TTC39C: variants seen among roughly 807,000 people sequenced by gnomAD.
The protein encoded by TTC39C is tetratricopeptide repeat domain 39C.
Under a neutral mutation model 76.3 loss-of-function variants are expected in TTC39C, and 33 were observed. That is an observed-to-expected ratio of 0.43 (90% confidence interval 0.33 to 0.58). The LOEUF is 0.58. Ranked by LOEUF, TTC39C falls within the 20% of genes least tolerant of loss-of-function variation. The pLI is 0.04. For missense variants in TTC39C, 595 were observed against 701.4 expected, an observed-to-expected ratio of 0.85 and a Z score of 1.71; for synonymous variants, 254 against 260.6, an observed-to-expected ratio of 0.97 and a Z score of 0.24.
chr18:24,096,033 A>T (rs1010934996), intron 6 of TTC39C, among the ~76,000 whole-genome samples: 7 of 152,226 alleles, frequency 4.6e-5, no homozygotes, highest in East Asian at 1.9e-4. Context: ...TTATGTGGGC[A>T]TGGTTTGTGG....
At position 24,023,086 on chromosome 18, in the gene TTC39C, G is replaced by A. The variant is rs550981931; in HGVS notation, c.167+8048G>A. Among the ~76,000 whole-genome samples, 4 of 152,298 alleles carry A rather than the reference G, an allele frequency of 2.6e-5. No homozygotes were observed. In the South Asian group the frequency reaches 6.2e-4, roughly 24 times the overall value. ...GCTGGAGTTATGTGGGGTCCAAGTTGTTAAAGGCATAGCAGCTCCCCTTTA... is the reference window on the plus strand; with the variant it reads ...GCTGGAGTTATGTGGGGTCCAAGTTATTAAAGGCATAGCAGCTCCCCTTTA... On this transcript the variant is annotated intron_variant, in intron 1 of 13. Coordinates refer to ENST00000317571, the MANE Select transcript of TTC39C (RefSeq NM_001135993.2).
intron 7 of TTC39C, among the ~76,000 whole-genome samples, chr18:24,115,380 A>G (rs2084877903): frequency 6.6e-6 from 1 of 152,250 alleles, no homozygotes. Flanking sequence ...TGTGCTGGGA[A>G]GAGTAAACAC....
intron 1 of TTC39C, among the ~76,000 whole-genome samples, chr18:24,043,129 ATAATG>A (rs2145694043): frequency 6.6e-6 from 1 of 152,372 alleles, no homozygotes; most frequent in East Asian, 1.9e-4. Flanking sequence ...GTAGTTGAAA[ATAATG>A]TAATTCGTAG....
intron 4 of TTC39C, among the ~76,000 whole-genome samples, chr18:24,075,138 C>CG (rs2084287028): frequency 7.0e-6 from 1 of 142,340 alleles, no homozygotes; most frequent in Non-Finnish European, 1.5e-5. Context: ...CATCACACAC[C>CG]GGGGCCTGTC....
chr18:24,024,446 A>G (rs1271962710), intron 1 of TTC39C, among the ~76,000 whole-genome samples: 1 of 152,176 alleles, frequency 6.6e-6, no homozygotes, highest in African/African-American at 2.4e-5. Flanking sequence ...AGAGGAGGAG[A>G]GAAAAGAGCA....
chr18:24,058,171 G>A (rs1321910727), intron 1 of TTC39C, among the ~76,000 whole-genome samples: 6 of 152,208 alleles, frequency 3.9e-5, no homozygotes, highest in Non-Finnish European at 8.8e-5. Flanking sequence ...AGGGTGGAGG[G>A]TAGGAAGAGG....
intron 1 of TTC39C, among the ~76,000 whole-genome samples, chr18:24,027,802 C>T (rs1326298738): frequency 3.9e-5 from 6 of 152,052 alleles, no homozygotes; most frequent in Non-Finnish European, 8.8e-5. Context: ...TCAAGCAGTC[C>T]TCCCACCTCA....
chr18:24,014,994 C>T lies in TTC39C; in HGVS notation c.123C>T (p.Leu41=). The change falls in exon 1 of 14, where the codon CTC becomes CTT. Residue 41 remains leucine, a synonymous_variant. Coordinates refer to ENST00000317571, the MANE Select transcript of TTC39C (RefSeq NM_001135993.2). The part of the protein sequence containing the change: ...ELALAGINML[L]NNGFRESDQL... ...CCCTGGCCGGCATCAACATGCTGCT[C>T]AACAACGGCTTCAGGGAGTCGGACC... is the stretch of plus-strand genomic sequence containing the variant. The T allele has an allele frequency of 6.6e-7, 1 of 1,525,706 alleles. No individual in the cohort carries two copies. Among genetic ancestry groups the T allele is most frequent in the South Asian group, 1.2e-5 (1 of 81,252 alleles). 94.5% of individuals were successfully genotyped at this position (1,525,706 alleles called of 1,614,324 possible).
intron 6 of TTC39C, among the ~76,000 whole-genome samples, chr18:24,093,075 T>C (rs2084545410): frequency 6.6e-6 from 1 of 152,330 alleles, no homozygotes; most frequent in African/African-American, 2.4e-5. Flanking sequence ...ATTGTAGTAG[T>C]AGTTGCATAG....
chr18:24,134,257 G>GTTTTTTTTTTTTTTTTTTTTTT lies in TTC39C; in HGVS notation c.*1689_*1690insTTTTTTTTTTTTTTTTTTTTTT, dbSNP rs1182625147. On this transcript the variant is annotated 3_prime_UTR_variant, in exon 14 of 14. Coordinates refer to ENST00000317571, the MANE Select transcript of TTC39C (RefSeq NM_001135993.2). The stretch of plus-strand genomic sequence containing the variant: ...TGGTGCCCAAAAATATTGGACATCT[G>GTTTTTTTTTTTTTTTTTTTTTT]TTTTTTGTTTTTTTTTTTTTTTTTT... 2.1e-4 allele frequency: 10 copies of GTTTTTTTTTTTTTTTTTTTTTT among 48,688 alleles called. 4 individuals are homozygous for GTTTTTTTTTTTTTTTTTTTTTT. The highest frequency in any genetic ancestry group is 1.3e-3 in the South Asian group (2 of 1,482). The allele number at this position is 48,688 out of a possible 1,614,324, so 3.0% of individuals were successfully genotyped here.
At chr18:24,132,058 G>A (rs979931898) in intron 13 of TTC39C, 138 bp downstream of exon 13, 15 of 717,152 alleles carry the variant, frequency 2.1e-5, no homozygotes, top group Admixed American at 1.4e-4. Context: ...ACAACCAATT[G>A]AATCAGTGAG....
intron 1 of TTC39C, among the ~76,000 whole-genome samples, chr18:24,054,332 C>T (rs8098360): frequency 0.11 from 16,373 of 152,124 alleles, 1,433 homozygotes; most frequent in African/African-American, 0.24. Flanking sequence ...TGATATATTC[C>T]GTTGAGAAAA....
At chr18:24,101,964 A>G (rs1429549640) in intron 6 of TTC39C, among the ~76,000 whole-genome samples, 5 of 152,332 alleles carry the variant, frequency 3.3e-5, no homozygotes, top group South Asian at 2.1e-4. Context: ...TGGAGAGAGC[A>G]CTAGGCTCAT....
At chr18:24,115,544 C>T (rs938479473) in intron 7 of TTC39C, among the ~76,000 whole-genome samples, 2 of 152,180 alleles carry the variant, frequency 1.3e-5, no homozygotes, top group African/African-American at 2.4e-5. Context: ...AGTGATGAGA[C>T]TCCAAAGGGA....
At chr18:24,091,540 T>A (rs1241032181) in intron 6 of TTC39C, among the ~76,000 whole-genome samples, 1 of 152,094 alleles carries the variant, frequency 6.6e-6, no homozygotes. Flanking sequence ...AAATGTAAGA[T>A]CTAAAACTGT....
At chr18:24,037,905 T>C (rs985836626) in intron 1 of TTC39C, among the ~76,000 whole-genome samples, 1 of 152,190 alleles carries the variant, frequency 6.6e-6, no homozygotes, top group Non-Finnish European at 1.5e-5. Context: ...ATCTTTTAGC[T>C]CTTTTCATTT....
chr18:24,019,988 G>C (rs2083500247), intron 1 of TTC39C: 1 of 1,451,750 alleles, frequency 6.9e-7, no homozygotes, highest in African/African-American at 1.5e-5. Flanking sequence ...ATTCTTGGGA[G>C]GACTGGAAGG....
intron 1 of TTC39C, among the ~76,000 whole-genome samples, chr18:24,039,932 A>G (rs1050695779): frequency 1.3e-5 from 2 of 152,188 alleles, no homozygotes; most frequent in African/African-American, 4.8e-5. Flanking sequence ...AAGAGAGGGA[A>G]TACAGGAAGA....
chr18:24,125,627 C>T (rs979780522), intron 10 of TTC39C, 77 bp downstream of exon 10: 1 of 1,566,692 alleles, frequency 6.4e-7, no homozygotes, highest in African/African-American at 1.4e-5. Context: ...TCTTCAGTTT[C>T]CCGTTTATTT....
Sources: gnomAD v4.1 joint callset for allele counts (sites outside exome capture counted in the v4.1 genomes callset) on GRCh38, gnomAD v4.1.1 for gene constraint, MANE v1.5 for transcripts, NCBI Gene and HGNC (gene_info 2026-07-23, HGNC 2026-07-21) for gene names.